STOX1: variants seen among roughly 807,000 people sequenced by gnomAD.
STOX1 encodes storkhead box 1, also known as storkhead-box protein 1.
STOX1 carries 57 observed loss-of-function variants against 74.8 expected under a neutral mutation model. The observed-to-expected ratio is 0.76, with a 90% confidence interval of 0.62 to 0.95. STOX1 has a LOEUF of 0.95. STOX1 is among the 40% of genes least tolerant of loss of function. STOX1 has a pLI of 0.00. For synonymous variants in STOX1, 375 were observed against 401.3 expected, an observed-to-expected ratio of 0.93 and a Z score of 0.78; for missense variants, 1,010 against 1,117.0, an observed-to-expected ratio of 0.90 and a Z score of 1.37.
intron 3 of STOX1, among the ~76,000 whole-genome samples, chr10:68,890,009 G>A (rs562119611): frequency 5.4e-5 from 8 of 149,272 alleles, no homozygotes; most frequent in South Asian, 4.3e-4. Flanking sequence ...GGCTGGTCTC[G>A]AACTCCTGGC....
In STOX1 at chr10:68,852,308, G is replaced by A. The variant is rs545716450; in HGVS notation, c.310+24375G>A. ...GCTCTGTCGCCCAGGCCGGACTGTG[G>A]ACTGCAGTGGCGCAATCTCGGCTCA... On this transcript the variant is annotated intron_variant, in intron 1 of 3. Coordinates refer to ENST00000298596, the MANE Select transcript of STOX1 (RefSeq NM_152709.5). Among the ~76,000 whole-genome samples, 268 of 136,400 alleles carry A rather than the reference G, an allele frequency of 2.0e-3. 2 individuals are homozygous for A. The Middle Eastern group carries it at 0.034, about 17-fold the overall frequency. The allele number at this position is 136,400 out of a possible 152,430, so 89.5% of individuals were successfully genotyped here. A position where few individuals can be genotyped will look rare whatever the true frequency, so the allele number is the denominator to read the frequency against.
intron 3 of STOX1, among the ~76,000 whole-genome samples, chr10:68,889,517 T>C (rs189567819): frequency 6.6e-6 from 1 of 152,296 alleles, no homozygotes; most frequent in Admixed American, 6.5e-5. Context: ...TTCATGTAAC[T>C]TATGTATATC....
At chr10:68,838,320 G>A (rs2133499675) in intron 1 of STOX1, among the ~76,000 whole-genome samples, 1 of 152,160 alleles carries the variant, frequency 6.6e-6, no homozygotes, top group Admixed American at 6.6e-5. Context: ...TTCCGTCTCG[G>A]CCTCCCAAAG....
intron 1 of STOX1, among the ~76,000 whole-genome samples, chr10:68,852,414 G>A (rs1258560753): frequency 2.7e-5 from 4 of 149,954 alleles, no homozygotes; most frequent in African/African-American, 9.8e-5. Flanking sequence ...GCCCGCCACC[G>A]CACCCGGCTA....
At chr10:68,893,753 G>A (rs547720324), downstream of STOX1, among the ~76,000 whole-genome samples, 1 of 152,306 alleles carries the variant, frequency 6.6e-6, no homozygotes, top group Admixed American at 6.5e-5. Context: ...GAAGTCAGAT[G>A]GTGGAGATAG....
intron 1 of STOX1, among the ~76,000 whole-genome samples, chr10:68,859,593 C>T (rs1840210371): frequency 6.6e-6 from 1 of 152,060 alleles, no homozygotes; most frequent in South Asian, 2.1e-4. Flanking sequence ...AAGGTCTAAT[C>T]AAGCCCTTAG....
Position 68,882,108 on chromosome 10 carries a change from C to T in STOX1, c.461C>T (p.Pro154Leu), listed in dbSNP as rs367982047. The T allele has an allele frequency of 8.9e-5, 143 of 1,613,364 alleles. No individual in the cohort carries two copies. The highest frequency in any genetic ancestry group is 9.2e-5 in the Non-Finnish European group (109 of 1,179,594). The change falls in exon 2 of 4, where the codon CCA becomes CTA. Residue 154 changes from proline (P) to leucine (L), a missense_variant and splice_region_variant. By Grantham distance (98) the Pro-to-Leu change is moderately conservative. Transcript: ENST00000298596. ...TTGGAGCGTTTGATGAAACATTACCCAGGTAGAGTAATAAATTTTTGTCTA... is the reference window on the plus strand; with the variant it reads ...TTGGAGCGTTTGATGAAACATTACCTAGGTAGAGTAATAAATTTTTGTCTA... ...SLLERLMKHY[P>L]GIAIPSEDIL...
At chr10:68,829,765 C>T (rs914821187) in intron 1 of STOX1, among the ~76,000 whole-genome samples, 6 of 152,072 alleles carry the variant, frequency 3.9e-5, no homozygotes, top group African/African-American at 1.4e-4. Flanking sequence ...TTTGCAAAAC[C>T]ACATATACAC....
chr10:68,835,019 C>T (rs1486256930), intron 1 of STOX1, among the ~76,000 whole-genome samples: 1 of 151,292 alleles, frequency 6.6e-6, no homozygotes, highest in Non-Finnish European at 1.5e-5. Context: ...CCACCATGCA[C>T]GGCCAGGCTT....
intron 1 of STOX1, among the ~76,000 whole-genome samples, chr10:68,858,992 G>T (rs1199161408): frequency 6.6e-6 from 1 of 152,054 alleles, no homozygotes; most frequent in Non-Finnish European, 1.5e-5. Flanking sequence ...GGCCTCTGCT[G>T]GGCTTCGTCA....
intron 1 of STOX1, among the ~76,000 whole-genome samples, chr10:68,879,539 G>T (rs1840758521): frequency 6.6e-6 from 1 of 151,990 alleles, no homozygotes; most frequent in Admixed American, 6.6e-5. Context: ...CCCTCTCCCA[G>T]AATCATGTCC....
At position 68,869,876 on chromosome 10, in the gene STOX1, CTT is replaced by C. The variant is rs1195254523; in HGVS notation, c.311-12078_311-12077del. Among the ~76,000 whole-genome samples, 19 of 152,222 alleles carry C rather than the reference CTT, an allele frequency of 1.2e-4. No individual in the cohort carries two copies. The East Asian group carries it at 3.5e-3, about 28-fold the overall frequency. ...CATGGAATGAATGTTCCACAGAACT[CTT>C]TTTGCGAAATGCTGATCTAGTTCAG... On this transcript the variant is annotated intron_variant, in intron 1 of 3. Transcript: ENST00000298596.
chr10:68,850,084 G>A (rs1839946275), intron 1 of STOX1, among the ~76,000 whole-genome samples: 1 of 152,080 alleles, frequency 6.6e-6, no homozygotes. Context: ...GTGTGAGCTC[G>A]GCTCACTACA....
Position 68,888,348 on chromosome 10 carries a change from C to T in STOX1, c.2822+1730C>T, listed in dbSNP as rs576828412. 7.2e-5 allele frequency among the ~76,000 whole-genome samples: 11 copies of T among 152,178 alleles called. 1 individual carries two copies. Among genetic ancestry groups the T allele is most frequent in the South Asian group, 4.2e-4 (2 of 4,818 alleles). ...AACTCCTGACCTCAGGTGATCTGCCCGCCTCGGCCTCCCAAAGTGCTGGGA... is the reference window on the plus strand; with the variant it reads ...AACTCCTGACCTCAGGTGATCTGCCTGCCTCGGCCTCCCAAAGTGCTGGGA... On this transcript the variant is annotated intron_variant, in intron 3 of 3. Coordinates refer to ENST00000298596, the MANE Select transcript of STOX1 (RefSeq NM_152709.5).
chr10:68,864,349 G>C (rs533578866), intron 1 of STOX1, among the ~76,000 whole-genome samples: 97 of 152,278 alleles, frequency 6.4e-4, no homozygotes, highest in African/African-American at 2.2e-3. Flanking sequence ...ATTGAATTTA[G>C]TTATTTTAAG....
At chr10:68,864,098 G>C (rs781387424) in intron 1 of STOX1, among the ~76,000 whole-genome samples, 26 of 151,840 alleles carry the variant, frequency 1.7e-4, no homozygotes, top group African/African-American at 4.8e-5. Flanking sequence ...TAATTTTTTT[G>C]TATTTTTAGT....
Position 68,885,546 on chromosome 10 carries a change from A to T in STOX1, c.1750A>T (p.Ser584Cys). Residue 584 changes from serine (S) to cysteine (C), a missense_variant, in exon 3 of 4, where the codon AGT (serine) becomes TGT (cysteine). By Grantham distance (112) the Ser-to-Cys change is moderately radical. Coordinates refer to ENST00000298596, the MANE Select transcript of STOX1 (RefSeq NM_152709.5). ...TGATGACTTCAGAGGTCACCTCTTC[A>T]GTCACCCTCAACAGAGCATGTTGCA... is the stretch of plus-strand genomic sequence containing the variant. ...INDDFRGHLF[S>C]HPQQSMLQND... 6.2e-7 allele frequency: 1 copy of T among 1,614,250 alleles called. No homozygotes were observed. The highest frequency in any genetic ancestry group is 8.5e-7 in the Non-Finnish European group (1 of 1,180,044).
intron 1 of STOX1, among the ~76,000 whole-genome samples, chr10:68,835,753 CAG>C (rs1268580630): frequency 1.3e-5 from 2 of 152,206 alleles, no homozygotes; most frequent in Non-Finnish European, 2.9e-5. Flanking sequence ...TGAAAAACAC[CAG>C]TGCAAAATTA....
intron 1 of STOX1, among the ~76,000 whole-genome samples, chr10:68,842,715 A>G (rs1839725566): frequency 7.0e-6 from 1 of 142,586 alleles, no homozygotes; most frequent in Non-Finnish European, 1.5e-5. Context: ...CATTTTTTGT[A>G]TTTTTAGTAG....
Sources: gnomAD v4.1 joint callset for allele counts (sites outside exome capture counted in the v4.1 genomes callset) on GRCh38, gnomAD v4.1.1 for gene constraint, MANE v1.5 for transcripts, NCBI Gene and HGNC (gene_info 2026-07-23, HGNC 2026-07-21) for gene names.